Variants in GAK observed in about 807,000 individuals in gnomAD.
The protein encoded by GAK is cyclin G associated kinase.
Under a neutral mutation model 143.9 loss-of-function variants are expected in GAK, and 79 were observed. The ratio of observed to expected loss-of-function variants is 0.55; its 90% confidence interval spans 0.46 to 0.66. The LOEUF is 0.66. GAK is among the 30% of genes least tolerant of loss of function. The pLI, the probability that GAK is intolerant of heterozygous loss-of-function variation, is 0.00. For synonymous variants in GAK, 881 were observed against 765.5 expected (o/e 1.15, Z -2.49); for missense variants, 1,693 against 1,779.7 (o/e 0.95, Z 0.88).
chr4:927,975 G>T (rs375355147), intron 1 of GAK, among the ~76,000 whole-genome samples: 1 of 152,172 alleles, frequency 6.6e-6, no homozygotes, highest in Non-Finnish European at 1.5e-5. Context: ...AGAACAGCAC[G>T]GAGCTTCAGA....
chr4:901,517 G>A (rs1481154951), intron 5 of GAK, among the ~76,000 whole-genome samples: 2 of 152,270 alleles, frequency 1.3e-5, no homozygotes, highest in Non-Finnish European at 2.9e-5. Context: ...TGCATGGGCA[G>A]ACATGAGCTG....
At chr4:878,111 C>T (rs1264246131) in intron 15 of GAK, among the ~76,000 whole-genome samples, 1 of 151,856 alleles carries the variant, frequency 6.6e-6, no homozygotes, top group Non-Finnish European at 1.5e-5. Flanking sequence ...AATTTTGAGG[C>T]CAGGCGCGGT....
chr4:865,360 G>T, intron 22 of GAK, 116 bp from the exon 23 acceptor site: 1 of 1,316,728 alleles, frequency 7.6e-7, no homozygotes, highest in Non-Finnish European at 1.1e-6. Context: ...CACCCAGGCT[G>T]AGCTGAGGCT....
In GAK at chr4:909,099, G is replaced by A. The variant is rs532659995; in HGVS notation, c.382+2574C>T. On this transcript the variant is annotated intron_variant, in intron 4 of 27. Transcript: ENST00000314167. ...TCACCTCAAGCGATGCACCCGCCTCGGCCTCCCAAAGTGCTAGGATTACAG... is the reference window on the plus strand; with the variant it reads ...TCACCTCAAGCGATGCACCCGCCTCAGCCTCCCAAAGTGCTAGGATTACAG... 4.4e-4 allele frequency among the ~76,000 whole-genome samples: 67 copies of A among 152,276 alleles called. No individual in the cohort carries two copies. The Middle Eastern group carries it at 0.014, about 31-fold the overall frequency.
At chr4:849,831 A>T in intron 27 of GAK, 57 bp from the exon 28 acceptor site, 5 of 999,002 alleles carry the variant, frequency 5.0e-6, no homozygotes, top group Non-Finnish European at 5.8e-6. Flanking sequence ...CGGGCGGGGC[A>T]GGACCCCCCC....
At chr4:875,336 G>A (rs1289025313) in intron 18 of GAK, among the ~76,000 whole-genome samples, 2 of 152,212 alleles carry the variant, frequency 1.3e-5, no homozygotes, top group Non-Finnish European at 2.9e-5. Flanking sequence ...ACACAACAAA[G>A]ACAAGAGATG....
At chr4:876,745 ATG>A in intron 17 of GAK, 136 bp from the exon 18 acceptor site, 1 of 732,992 alleles carries the variant, frequency 1.4e-6, no homozygotes, top group Non-Finnish European at 2.4e-6. Context: ...CCCGTGCCAC[ATG>A]TTGTGGGGGA....
chr4:883,567 C>A, intron 12 of GAK, 104 bp from the exon 13 acceptor site: 1 of 1,316,420 alleles, frequency 7.6e-7, no homozygotes, highest in South Asian at 1.3e-5. Flanking sequence ...AGCGCAGCCT[C>A]CGGCAGCTCC....
In GAK at chr4:925,168, C is replaced by T. The variant is rs368915579; in HGVS notation, c.145+6875G>A. Among the ~76,000 whole-genome samples the T allele has an allele frequency of 9.1e-4, 139 of 152,300 alleles. 2 individuals are homozygous for T. Among genetic ancestry groups the T allele is most frequent in the African/African-American group, 3.2e-3 (134 of 41,560 alleles). On this transcript the variant is annotated intron_variant, in intron 1 of 27. Coordinates refer to ENST00000314167, the MANE Select transcript of GAK (RefSeq NM_005255.4). ...TTACCAAACTCGCTACTCAGAAAGG[C>T]ACAAATCAAAGCTTGACACTTTTTA...
Position 850,533 on chromosome 4 carries a change from C to A in GAK, c.3657+403G>T, listed in dbSNP as rs147598362. On this transcript the variant is annotated intron_variant, in intron 26 of 27. Transcript: ENST00000314167. ...AGCCTGACCGCTGCATCCTCACCCCCCAGTGAGCGTCCTGGGTTGGGAGGC... is the reference window on the plus strand; with the variant it reads ...AGCCTGACCGCTGCATCCTCACCCCACAGTGAGCGTCCTGGGTTGGGAGGC... 24 of 191,896 alleles carry A rather than the reference C, an allele frequency of 1.3e-4. No homozygotes were observed. The Middle Eastern group carries it at 6.5e-3, about 52-fold the overall frequency. The allele number at this position is 191,896 out of a possible 1,614,324, so 11.9% of individuals were successfully genotyped here. A position where few individuals can be genotyped will look rare whatever the true frequency, so the allele number is the denominator to read the frequency against.
At chr4:883,067 C>G (rs1715484001) in intron 13 of GAK, among the ~76,000 whole-genome samples, 2 of 152,238 alleles carry the variant, frequency 1.3e-5, no homozygotes, top group South Asian at 4.1e-4. Flanking sequence ...AATGCCTCGG[C>G]CTCGAGCACC....
At chr4:856,866 C>T (rs951450791) in intron 24 of GAK, among the ~76,000 whole-genome samples, 12 of 152,222 alleles carry the variant, frequency 7.9e-5, no homozygotes, top group East Asian at 1.9e-4. Flanking sequence ...TGAGCCACTC[C>T]GCCTGGCCTG....
chr4:926,706 C>T (rs1235109273), intron 1 of GAK, among the ~76,000 whole-genome samples: 1 of 152,124 alleles, frequency 6.6e-6, no homozygotes, highest in African/African-American at 2.4e-5. Context: ...GAAGTGAAGG[C>T]GGTTGGTACC....
chr4:911,908 T>C, intron 3 of GAK, 121 bp from the exon 4 acceptor site: 1 of 754,802 alleles, frequency 1.3e-6, no homozygotes, highest in Admixed American at 2.2e-5. Flanking sequence ...ACCCTTACAA[T>C]TTTAGACGTC....
intron 5 of GAK, among the ~76,000 whole-genome samples, chr4:901,661 G>A (rs983460383): frequency 6.6e-6 from 1 of 152,234 alleles, no homozygotes; most frequent in East Asian, 1.9e-4. Flanking sequence ...CAGCTGAGGC[G>A]GGTGCTGGGA....
intron 15 of GAK, among the ~76,000 whole-genome samples, chr4:881,267 T>C (rs1176220705): frequency 6.6e-6 from 1 of 152,134 alleles, no homozygotes; most frequent in African/African-American, 2.4e-5. Context: ...GTGGTCCAGG[T>C]CAAGACCTGC....
chr4:849,833 G>GTGC, intron 27 of GAK, 59 bp from the exon 28 acceptor site: 1 of 1,190,146 alleles, frequency 8.4e-7, no homozygotes, highest in Non-Finnish European at 1.2e-6. Context: ...GGCGGGGCAG[G>GTGC]ACCCCCCCCC....
rs1032979562 is a variant in GAK at position 930,566 on chromosome 4, T to C, written c.145+1477A>G. ...TGTACCACCCCTAAGGATCTGTCCC[T>C]GTGCTGCCTCTGTCTCTCCACCCCT... On this transcript the variant is annotated intron_variant, in intron 1 of 27. Coordinates refer to ENST00000314167, the MANE Select transcript of GAK (RefSeq NM_005255.4). 1.1e-4 allele frequency among the ~76,000 whole-genome samples: 16 copies of C among 149,660 alleles called. No homozygotes were observed. In the East Asian group the frequency reaches 1.4e-3, roughly 13 times the overall value.
chr4:906,605 C>G (rs533912223), intron 4 of GAK, among the ~76,000 whole-genome samples: 1 of 152,202 alleles, frequency 6.6e-6, no homozygotes, highest in East Asian at 1.9e-4. Context: ...CCCACTTCAG[C>G]TGGCCACAGT....
Sources: allele counts gnomAD v4.1 joint callset (sites outside exome capture counted in the v4.1 genomes callset), GRCh38; gene constraint gnomAD v4.1.1; transcripts MANE v1.5; gene names NCBI Gene and HGNC (gene_info 2026-07-23, HGNC 2026-07-21).